The following TMEM59L variants were observed in gnomAD, a reference collection of about 807,000 sequenced individuals.
TMEM59L encodes the protein transmembrane protein 59 like.
In TMEM59L, 31 loss-of-function variants were observed where a neutral mutation model predicts 39.6. The observed-to-expected ratio is 0.78, with a 90% CI of 0.59 to 1.06. The LOEUF (loss-of-function observed/expected upper bound fraction) is 1.06, where lower values mean the gene tolerates loss of function less well. Ranked by LOEUF, TMEM59L falls within the 50% of genes least tolerant of loss-of-function variation. The probability of loss-of-function intolerance (pLI) is 0.00; values close to 1 mark genes in which losing one functional copy is unlikely to be tolerated. For synonymous variants in TMEM59L, 219 were observed against 202.9 expected (o/e 1.08, Z -0.68); for missense variants, 441 against 451.3 (o/e 0.98, Z 0.21).
At chr19:18,615,129 C>T (rs921907321) in intron 3 of TMEM59L, among the ~76,000 whole-genome samples, 1 of 152,036 alleles carries the variant, frequency 6.6e-6, no homozygotes, top group Non-Finnish European at 1.5e-5. Flanking sequence ...ATTACAGGCA[C>T]CCCCCACTAC....
chr19:18,616,710 G>A (rs530818512), intron 4 of TMEM59L, among the ~76,000 whole-genome samples: 3 of 152,292 alleles, frequency 2.0e-5, no homozygotes, highest in South Asian at 4.1e-4. Flanking sequence ...GGTTTTAACT[G>A]AGCTGGGATT....
intron 1 of TMEM59L, among the ~76,000 whole-genome samples, chr19:18,613,652 C>G (rs1036326481): frequency 6.6e-6 from 1 of 152,102 alleles, no homozygotes; most frequent in Non-Finnish European, 1.5e-5. Context: ...TTTCTCTCCA[C>G]CTTCACTGTC....
At chr19:18,619,264 A>T (rs1976467944) in intron 7 of TMEM59L, among the ~76,000 whole-genome samples, 1 of 152,190 alleles carries the variant, frequency 6.6e-6, no homozygotes. Context: ...CCGGGATTAC[A>T]GGCATGAGCC....
intron 5 of TMEM59L, chr19:18,617,636 G>T (rs756783666): frequency 1.8e-5 from 8 of 455,862 alleles, no homozygotes; most frequent in Non-Finnish European, 3.1e-5. Context: ...ATCTCTCAGG[G>T]TTCCATGGTT....
intron 7 of TMEM59L, among the ~76,000 whole-genome samples, chr19:18,620,004 CA>C (rs1976477154): frequency 6.7e-6 from 1 of 149,100 alleles, no homozygotes; most frequent in Non-Finnish European, 1.5e-5. Flanking sequence ...CACACACACA[CA>C]CACACACACA....
chr19:18,620,370 C>T (rs754712986), intron 7 of TMEM59L, 38 bp from the exon 8 acceptor site: 3 of 1,576,862 alleles, frequency 1.9e-6, no homozygotes, highest in Non-Finnish European at 2.6e-6. Flanking sequence ...CGGCCTCTCC[C>T]CGTCCCTCCA....
At position 18,618,121 on chromosome 19, in the gene TMEM59L, C is replaced by T. The variant is rs369305644; in HGVS notation, c.665-34C>T. On this transcript the variant is annotated intron_variant, in intron 5 of 7. Coordinates refer to ENST00000262817, the MANE Select transcript of TMEM59L (RefSeq NM_012109.3). ...GGTTATTGTGGCCTCTTAGCAAAGA[C>T]CTGGTGGTCGCTGAGTGGCAGCTGA... is the stretch of plus-strand genomic sequence containing the variant. 26 of 1,547,528 alleles carry T rather than the reference C, an allele frequency of 1.7e-5. No individual in the cohort carries two copies. The East Asian group carries it at 5.2e-4, about 31-fold the overall frequency.
chr19:18,618,306 T>C, intron 6 of TMEM59L, 34 bp downstream of exon 6: 1 of 223,948 alleles, frequency 4.5e-6, no homozygotes. Flanking sequence ...GGGAGGGGGG[T>C]GGGACTGGAG....
rs1347995177 is a variant in TMEM59L at position 18,620,452 on chromosome 19, T to C, written c.945T>C (p.Asp315=). The change falls in exon 8 of 8, where the codon GAT becomes GAC. Residue 315 remains aspartate, a synonymous_variant. Transcript: ENST00000262817. ...ACAAGGGCTTCATGATGGAGCCCGA[T>C]TGGCCCCTGTACCCGCCGCCGTCCC... ...EQHKGFMMEP[D]WPLYPPPSHA... 6.8e-6 allele frequency: 11 copies of C among 1,613,522 alleles called. No individual in the cohort carries two copies. Among genetic ancestry groups the C allele is most frequent in the African/African-American group, 1.3e-5 (1 of 74,910 alleles).
chr19:18,617,104 TA>T lies in TMEM59L; in HGVS notation c.664+4del, dbSNP rs1263057767. ...CTGAAGCCCTGGAGGTGCACGTGGGTAAGGTGCAACCTAGACCAGTGTTCCT... is the reference window on the plus strand; with the variant it reads ...CTGAAGCCCTGGAGGTGCACGTGGGTAGGTGCAACCTAGACCAGTGTTCCT... On this transcript the variant is annotated splice_donor_region_variant and intron_variant, in intron 5 of 7. Transcript: ENST00000262817. 4 of 1,609,784 alleles carry T rather than the reference TA, an allele frequency of 2.5e-6. No homozygotes were observed. The African/African-American group carries it at 5.3e-5, about 22-fold the overall frequency.
chr19:18,620,447 C>G lies in TMEM59L; in HGVS notation c.940C>G (p.Pro314Ala). The change falls in exon 8 of 8, where the codon CCC becomes GCC. Residue 314 changes from proline (P) to alanine (A), a missense_variant. Coordinates refer to ENST00000262817, the MANE Select transcript of TMEM59L (RefSeq NM_012109.3). ...LEQHKGFMME[P>A]DWPLYPPPSH... is the part of the protein sequence containing the mutation. ...GCAGCACAAGGGCTTCATGATGGAG[C>G]CCGATTGGCCCCTGTACCCGCCGCC... The G allele has an allele frequency of 6.2e-7, 1 of 1,613,506 alleles. No homozygotes were observed. The highest frequency in any genetic ancestry group is 8.5e-7 in the Non-Finnish European group (1 of 1,179,956).
chr19:18,619,973 TCACACACACACACACACACACACACA>T (rs57681167), intron 7 of TMEM59L, among the ~76,000 whole-genome samples: 1 of 116,808 alleles, frequency 8.6e-6, no homozygotes, highest in Non-Finnish European at 1.8e-5. Flanking sequence ...GAAGACCCCA[TCACACACACACACACACACACACACA>T]CACACACACA....
Position 18,620,357 on chromosome 19 carries a change from G to C in TMEM59L, c.901-51G>C, listed in dbSNP as rs760540124. ...GGGAAGGAGACAGTCAGGGTTGGGG[G>C]CTCGGCCTCTCCCCGTCCCTCCACT... On this transcript the variant is annotated intron_variant, in intron 7 of 7. Coordinates refer to ENST00000262817, the MANE Select transcript of TMEM59L (RefSeq NM_012109.3). The C allele has an allele frequency of 1.5e-5, 23 of 1,538,992 alleles. No individual in the cohort carries two copies. In the South Asian group the frequency reaches 2.7e-4, roughly 18 times the overall value.
chr19:18,618,264 C>T lies in TMEM59L; in HGVS notation c.774C>T (p.Cys258=). The change falls in exon 6 of 8, where the codon TGC becomes TGT. Residue 258 remains cysteine, a synonymous_variant. Coordinates refer to ENST00000262817, the MANE Select transcript of TMEM59L (RefSeq NM_012109.3). ...CACAGGACAATGACTTCCTCAGTTG[C>T]ATGTCCCGGTGGGTGGCAGGACCTT... ...EEPQDNDFLS[C]MSRRSGLPRW... 2 of 1,557,426 alleles carry T rather than the reference C, an allele frequency of 1.3e-6. No individual in the cohort carries two copies. Among genetic ancestry groups the T allele is most frequent in the Admixed American group, 1.8e-5 (1 of 54,270 alleles).
intron 3 of TMEM59L, 69 bp from the exon 4 acceptor site, chr19:18,615,906 C>A (rs1976421799): frequency 6.4e-7 from 1 of 1,556,304 alleles, no homozygotes; most frequent in Non-Finnish European, 8.7e-7. Flanking sequence ...CCACATCCTG[C>A]CCCCTCCCAT....
At position 18,618,188 on chromosome 19, in the gene TMEM59L, C is replaced by T. The variant is rs756194015; in HGVS notation, c.698C>T (p.Ala233Val). The change falls in exon 6 of 8, where the codon GCC (alanine) becomes GTC (valine). Residue 233 changes from alanine (A) to valine (V), a missense_variant. Coordinates refer to ENST00000262817, the MANE Select transcript of TMEM59L (RefSeq NM_012109.3). Reference protein sequence around the residue: ...PVGPLDKVRKAKIRVKTSSKA... With the variant: ...PVGPLDKVRKVKIRVKTSSKA... ...GGCCCCCTGGACAAGGTGAGGAAGG[C>T]CAAGATCCGAGTCAAGACCAGCAGC... 3 of 1,613,584 alleles carry T rather than the reference C, an allele frequency of 1.9e-6. No homozygotes were observed. The highest frequency in any genetic ancestry group is 1.7e-5 in the Admixed American group (1 of 59,890).
intron 5 of TMEM59L, chr19:18,617,942 A>T (rs982217679): frequency 1.7e-6 from 1 of 588,752 alleles, no homozygotes; most frequent in Non-Finnish European, 3.0e-6. Flanking sequence ...AGGATTCTGC[A>T]GTTCACCCCC....
rs751979743 is a variant in TMEM59L at position 18,613,892 on chromosome 19, C to G, written c.192C>G (p.Ser64=). 2 of 1,612,118 alleles carry G rather than the reference C, an allele frequency of 1.2e-6. No individual in the cohort carries two copies. The highest frequency in any genetic ancestry group is 1.7e-6 in the Non-Finnish European group (2 of 1,179,762). The part of the protein sequence containing the change: ...QPSQAGLEGA[S]ESPYDRAVLI... Reference sequence around the variant, plus strand: ...CCCAGGCGGGGCTGGAGGGCGCCTCCGAGTCTCCCTATGACAGAGCCGTTC... The same window carrying G: ...CCCAGGCGGGGCTGGAGGGCGCCTCGGAGTCTCCCTATGACAGAGCCGTTC... Residue 64 remains serine, a synonymous_variant, in exon 2 of 8, where the codon TCC becomes TCG. Coordinates refer to ENST00000262817, the MANE Select transcript of TMEM59L (RefSeq NM_012109.3).
At chr19:18,618,702 A>G (rs56770562) in intron 7 of TMEM59L, among the ~76,000 whole-genome samples, 2 of 126,736 alleles carry the variant, frequency 1.6e-5, no homozygotes, top group Non-Finnish European at 3.3e-5. Flanking sequence ...ATATATATAT[A>G]TATTTTTTTT....
Sources: allele counts gnomAD v4.1 joint callset (sites outside exome capture counted in the v4.1 genomes callset), GRCh38; gene constraint gnomAD v4.1.1; transcripts MANE v1.5; gene names NCBI Gene and HGNC (gene_info 2026-07-23, HGNC 2026-07-21).